MAGI2: variants seen among roughly 807,000 people sequenced by gnomAD.
MAGI2 encodes the protein membrane-associated guanylate kinase, WW and PDZ domain-containing protein 2.
Under a neutral mutation model 133.3 loss-of-function variants are expected in MAGI2, and 35 were observed. That is an observed-to-expected ratio of 0.26 (90% confidence interval 0.20 to 0.35). MAGI2 has a LOEUF of 0.35. MAGI2 is among the 10% of genes least tolerant of loss of function. The probability of loss-of-function intolerance (pLI) is 1.00; values close to 1 mark genes in which losing one functional copy is unlikely to be tolerated. For missense variants in MAGI2, 1,636 were observed against 1,863.4 expected (o/e 0.88, Z 2.25); for synonymous variants, 729 against 710.6 (o/e 1.03, Z -0.41).
intron 16 of MAGI2, among the ~76,000 whole-genome samples, chr7:78,148,596 CA>C (rs1460249425): frequency 1.3e-5 from 2 of 152,028 alleles, no homozygotes; most frequent in Non-Finnish European, 2.9e-5. Context: ...AGGAGGTGAG[CA>C]GGGGAAAGTG....
intron 1 of MAGI2, among the ~76,000 whole-genome samples, chr7:79,297,419 G>A (rs983960298): frequency 4.0e-4 from 61 of 152,106 alleles, no homozygotes; most frequent in Admixed American, 1.1e-3. Context: ...AATTCACACA[G>A]TCATTTACAG....
intron 2 of MAGI2, among the ~76,000 whole-genome samples, chr7:78,664,469 T>G (rs1368099259): frequency 1.3e-5 from 2 of 151,990 alleles, no homozygotes; most frequent in African/African-American, 2.4e-5. Flanking sequence ...TTATGTATCT[T>G]TTTTTAGATC....
chr7:78,327,260 A>T (rs1029868072), intron 9 of MAGI2, among the ~76,000 whole-genome samples: 1 of 151,684 alleles, frequency 6.6e-6, no homozygotes, highest in Non-Finnish European at 1.5e-5. Context: ...TCACATAGCA[A>T]CCTCATGCCA....
intron 3 of MAGI2, among the ~76,000 whole-genome samples, chr7:78,569,885 A>G (rs559854567): frequency 2.0e-5 from 3 of 152,298 alleles, no homozygotes; most frequent in South Asian, 2.1e-4. Flanking sequence ...AATAAACGGT[A>G]TTATCCAGTA....
chr7:78,747,524 G>GA (rs147444342), intron 2 of MAGI2, among the ~76,000 whole-genome samples: 2,174 of 148,636 alleles, frequency 0.015, 59 homozygotes, highest in African/African-American at 0.05. Flanking sequence ...GACTAAACCA[G>GA]AAAAAAAAAA....
intron 2 of MAGI2, among the ~76,000 whole-genome samples, chr7:78,778,840 A>G (rs980230086): frequency 6.6e-6 from 1 of 152,092 alleles, no homozygotes; most frequent in African/African-American, 2.4e-5. Flanking sequence ...ATATAATTAT[A>G]AAATAACTAG....
intron 16 of MAGI2, among the ~76,000 whole-genome samples, chr7:78,150,068 G>T (rs1823720165): frequency 6.6e-6 from 1 of 152,090 alleles, no homozygotes; most frequent in African/African-American, 2.4e-5. Context: ...AACAAATCCA[G>T]CTTCAATTGC....
chr7:78,083,387 GGAGAGA>G (rs747230358), intron 20 of MAGI2, among the ~76,000 whole-genome samples: 1,880 of 33,134 alleles, frequency 0.057, 14 homozygotes, highest in African/African-American at 0.079. Context: ...AGGGAGGGGG[GGAGAGA>G]GAGAGAGAGA....
At chr7:78,135,664 C>G (rs1822039411) in intron 16 of MAGI2, among the ~76,000 whole-genome samples, 2 of 152,062 alleles carry the variant, frequency 1.3e-5, no homozygotes, top group African/African-American at 4.8e-5. Context: ...TTTAAGAAAG[C>G]TACAATAAAT....
chr7:79,250,349 A>G (rs1468966707), intron 1 of MAGI2, among the ~76,000 whole-genome samples: 1 of 22,056 alleles, frequency 4.5e-5, no homozygotes, highest in East Asian at 7.6e-4. Context: ...TGACTCTACC[A>G]AAAAAAAAAA....
intron 2 of MAGI2, among the ~76,000 whole-genome samples, chr7:78,637,914 C>CA (rs1412121017): frequency 5.9e-5 from 9 of 151,910 alleles, no homozygotes; most frequent in Non-Finnish European, 1.0e-4. Context: ...CTCATTTCTA[C>CA]AAAAAATTTA....
At chr7:78,956,795 G>C (rs552925323) in intron 2 of MAGI2, among the ~76,000 whole-genome samples, 3 of 152,158 alleles carry the variant, frequency 2.0e-5, no homozygotes, top group East Asian at 3.9e-4. Flanking sequence ...ATTATACCAA[G>C]GCAGAAACTA....
intron 1 of MAGI2, chr7:79,353,375 C>T: frequency 1.8e-5 from 8 of 444,054 alleles, no homozygotes; most frequent in South Asian, 1.3e-4. Context: ...GCCTTGCTGT[C>T]TCTGGCTGTG....
chr7:78,912,513 T>C (rs1408000545), intron 2 of MAGI2, among the ~76,000 whole-genome samples: 1 of 151,954 alleles, frequency 6.6e-6, no homozygotes, highest in Non-Finnish European at 1.5e-5. Flanking sequence ...CCAGTAAATA[T>C]AAGCAGGCAG....
intron 3 of MAGI2, among the ~76,000 whole-genome samples, chr7:78,545,352 A>G (rs1426623959): frequency 1.3e-5 from 2 of 151,302 alleles, no homozygotes; most frequent in Non-Finnish European, 2.9e-5. Flanking sequence ...AGCTGCAATT[A>G]CAGGCACGCA....
intron 2 of MAGI2, among the ~76,000 whole-genome samples, chr7:78,883,493 AT>A (rs1796037665): frequency 6.6e-6 from 1 of 151,946 alleles, no homozygotes; most frequent in Non-Finnish European, 1.5e-5. Flanking sequence ...TACCAATGCC[AT>A]TTTTTACAAA....
intron 6 of MAGI2, among the ~76,000 whole-genome samples, chr7:78,376,631 A>G (rs1794474566): frequency 6.6e-6 from 1 of 152,150 alleles, no homozygotes. Context: ...TTAATAGAAA[A>G]TTGAAACAAT....
At chr7:78,588,906 C>A (rs1052882172) in intron 3 of MAGI2, among the ~76,000 whole-genome samples, 2 of 152,074 alleles carry the variant, frequency 1.3e-5, no homozygotes, top group African/African-American at 4.8e-5. Context: ...CTTCATTTTA[C>A]AAATAAAGAA....
In MAGI2 at chr7:79,182,872, A is replaced by G. The variant is rs117002499; in HGVS notation, c.302-175666T>C. On this transcript the variant is annotated intron_variant, in intron 1 of 21. Transcript: ENST00000354212. ...TGCAATGGTATAGTATTTGGCCATA[A>G]AATGAATGAAATCATGTCATTTGCA... 8.0e-4 allele frequency among the ~76,000 whole-genome samples: 122 copies of G among 152,098 alleles called. 1 individual carries two copies. The East Asian group carries it at 0.021, about 26-fold the overall frequency.
Sources: gnomAD v4.1 joint callset for allele counts (sites outside exome capture counted in the v4.1 genomes callset) on GRCh38, gnomAD v4.1.1 for gene constraint, MANE v1.5 for transcripts, NCBI Gene and HGNC (gene_info 2026-07-23, HGNC 2026-07-21) for gene names.